The following ASAP1 variants were observed in gnomAD, a reference collection of about 807,000 sequenced individuals.
ASAP1 encodes the protein ArfGAP with SH3 domain, ankyrin repeat and PH domain 1, also known as arf-GAP with SH3 domain, ANK repeat and PH domain-containing protein 1.
Under a neutral mutation model 145.2 loss-of-function variants are expected in ASAP1, and 43 were observed. The ratio of observed to expected loss-of-function variants is 0.30; its 90% confidence interval spans 0.23 to 0.38. The LOEUF (loss-of-function observed/expected upper bound fraction) is 0.38, where lower values mean the gene tolerates loss of function less well. Ranked by LOEUF, ASAP1 falls within the 10% of genes least tolerant of loss-of-function variation. ASAP1 has a pLI of 1.00. For missense variants in ASAP1, 1,018 were observed against 1,355.3 expected (o/e 0.75, Z 3.91); for synonymous variants, 546 against 515.5 (o/e 1.06, Z -0.80).
intron 1 of ASAP1, among the ~76,000 whole-genome samples, chr8:130,424,558 G>T (rs1388261238): frequency 1.3e-5 from 2 of 152,106 alleles, no homozygotes; most frequent in African/African-American, 4.8e-5. Flanking sequence ...GTGACATGCT[G>T]GGATTGGAAG....
chr8:130,377,377 A>T (rs1043459876), intron 2 of ASAP1, among the ~76,000 whole-genome samples: 5 of 151,668 alleles, frequency 3.3e-5, no homozygotes, highest in Non-Finnish European at 7.4e-5. Flanking sequence ...AAATTAAATT[A>T]AAAAAAAAGA....
intron 25 of ASAP1, chr8:130,084,338 C>T (rs1157134617): frequency 6.6e-6 from 1 of 152,166 alleles, no homozygotes; most frequent in East Asian, 1.9e-4. Flanking sequence ...TAAAATAGTA[C>T]TGAAAAGAGG....
At chr8:130,086,156 T>A (rs1592766140) in intron 25 of ASAP1, among the ~76,000 whole-genome samples, 1 of 152,216 alleles carries the variant, frequency 6.6e-6, no homozygotes, top group Non-Finnish European at 1.5e-5. Context: ...AAATGGCCAG[T>A]GGGCCTGCAT....
intron 2 of ASAP1, among the ~76,000 whole-genome samples, chr8:130,373,494 C>T (rs1827327678): frequency 6.6e-6 from 1 of 152,168 alleles, no homozygotes; most frequent in Admixed American, 6.5e-5. Context: ...ATACATGGGC[C>T]TGCTAATTAG....
chr8:130,300,143 CACACACACACAGAGAGAG>C (rs1482421157), intron 3 of ASAP1, among the ~76,000 whole-genome samples: 12 of 111,762 alleles, frequency 1.1e-4, no homozygotes, highest in East Asian at 8.0e-4. Flanking sequence ...CACACACACA[CACACACACACAGAGAGAG>C]AGAGAGAGAG....
chr8:130,153,332 AATATATATATATATATATATATAT>A (rs67554567), intron 12 of ASAP1, among the ~76,000 whole-genome samples: 6 of 87,512 alleles, frequency 6.9e-5, no homozygotes, highest in African/African-American at 1.8e-4. Context: ...CTGCTTTTTA[AATATATATATATATATATATATAT>A]ATGTATATAT....
chr8:130,247,606 A>G (rs1388448454), intron 3 of ASAP1, among the ~76,000 whole-genome samples: 1 of 152,138 alleles, frequency 6.6e-6, no homozygotes, highest in African/African-American at 2.4e-5. Context: ...CCATTCCAGG[A>G]GGCTCTATGT....
In ASAP1 at chr8:130,179,359, T is replaced by C. The variant is rs777938364; in HGVS notation, c.661-10A>G. 1.9e-6 allele frequency: 3 copies of C among 1,561,178 alleles called. No homozygotes were observed. Among genetic ancestry groups the C allele is most frequent in the Non-Finnish European group, 2.6e-6 (3 of 1,132,464 alleles). ...TAACTTTAATGAGATACTGTGAAAATAAAACAGGGTTTTGCGTTGATTAAT... is the reference window on the plus strand; with the variant it reads ...TAACTTTAATGAGATACTGTGAAAACAAAACAGGGTTTTGCGTTGATTAAT... On this transcript the variant is annotated splice_polypyrimidine_tract_variant and intron_variant, in intron 8 of 29. Transcript: ENST00000518721.
intron 11 of ASAP1, among the ~76,000 whole-genome samples, chr8:130,160,988 T>A (rs185926882): frequency 9.2e-5 from 14 of 152,322 alleles, no homozygotes; most frequent in Admixed American, 3.9e-4. Context: ...GACAATCAAA[T>A]GTCTGTATTT....
chr8:130,336,258 A>C (rs1026445061), intron 3 of ASAP1, among the ~76,000 whole-genome samples: 2 of 152,224 alleles, frequency 1.3e-5, no homozygotes, highest in Admixed American at 6.5e-5. Flanking sequence ...GCAAAGTTAC[A>C]AAAGGGCATG....
chr8:130,261,282 T>C (rs1387379313), intron 3 of ASAP1, among the ~76,000 whole-genome samples: 1 of 152,178 alleles, frequency 6.6e-6, no homozygotes, highest in Non-Finnish European at 1.5e-5. Flanking sequence ...GGTGCTCAAA[T>C]GAATAAATAA....
chr8:130,369,727 T>C (rs959088425), intron 2 of ASAP1, among the ~76,000 whole-genome samples: 2 of 152,158 alleles, frequency 1.3e-5, no homozygotes, highest in Non-Finnish European at 2.9e-5. Context: ...TTGACAAGTA[T>C]TGTCAAGGAT....
intron 3 of ASAP1, among the ~76,000 whole-genome samples, chr8:130,284,064 G>A (rs763901507): frequency 3.9e-5 from 6 of 152,146 alleles, no homozygotes; most frequent in Admixed American, 1.3e-4. Flanking sequence ...CATCACATCC[G>A]CCTTAAATTT....
At chr8:130,188,781 T>TCCAG (rs1341257696) in intron 5 of ASAP1, among the ~76,000 whole-genome samples, 3 of 149,020 alleles carry the variant, frequency 2.0e-5, no homozygotes, top group East Asian at 3.9e-4. Context: ...GTGGTGTAGC[T>TCCAG]CCAGAGCTTG....
At chr8:130,203,649 A>C (rs1816013626) in intron 5 of ASAP1, among the ~76,000 whole-genome samples, 1 of 152,236 alleles carries the variant, frequency 6.6e-6, no homozygotes, top group South Asian at 2.1e-4. Flanking sequence ...GGAAAATGGG[A>C]AATCAAGGAA....
intron 2 of ASAP1, among the ~76,000 whole-genome samples, chr8:130,389,269 G>T (rs1482280237): frequency 1.3e-5 from 2 of 152,152 alleles, no homozygotes; most frequent in African/African-American, 4.8e-5. Flanking sequence ...CTCTAGGGTG[G>T]AGACTGCCTT....
At chr8:130,359,791 T>G (rs963218459) in intron 2 of ASAP1, among the ~76,000 whole-genome samples, 2 of 152,202 alleles carry the variant, frequency 1.3e-5, no homozygotes, top group African/African-American at 4.8e-5. Context: ...GCCCGGCTAA[T>G]TTTTTGTATT....
chr8:130,172,903 C>A (rs933885515), intron 9 of ASAP1, among the ~76,000 whole-genome samples: 25 of 152,190 alleles, frequency 1.6e-4, no homozygotes, highest in African/African-American at 3.6e-4. Context: ...CTGTTACATA[C>A]CCAGATTCTA....
At chr8:130,272,860 G>C (rs561113241) in intron 3 of ASAP1, among the ~76,000 whole-genome samples, 1 of 152,302 alleles carries the variant, frequency 6.6e-6, no homozygotes, top group Non-Finnish European at 1.5e-5. Context: ...GTGGGAGAGA[G>C]AGAGAATAAA....
Sources: allele counts gnomAD v4.1 joint callset (sites outside exome capture counted in the v4.1 genomes callset), GRCh38; gene constraint gnomAD v4.1.1; transcripts MANE v1.5; gene names NCBI Gene and HGNC (gene_info 2026-07-23, HGNC 2026-07-21).